Variants in HPCAL1 observed in about 807,000 individuals in gnomAD.
HPCAL1 encodes the protein hippocalcin-like protein 1.
A neutral mutation model predicts 17.1 loss-of-function variants in HPCAL1; 8 were observed. The observed-to-expected ratio is 0.47, with a 90% CI of 0.27 to 0.84. The LOEUF (loss-of-function observed/expected upper bound fraction) is 0.84, where lower values mean the gene tolerates loss of function less well. Among genes scored for constraint, HPCAL1 ranks in the 40% least tolerant of loss-of-function variants. The pLI, the probability that HPCAL1 is intolerant of heterozygous loss-of-function variation, is 0.13. For synonymous variants in HPCAL1, 112 were observed against 111.4 expected (o/e 1.01, Z -0.03); for missense variants, 165 against 271.1 (o/e 0.61, Z 2.75).
chr2:10,348,215 C>T (rs1665588781), intron 1 of HPCAL1, among the ~76,000 whole-genome samples: 2 of 152,098 alleles, frequency 1.3e-5, no homozygotes, highest in African/African-American at 4.8e-5. Flanking sequence ...TTTGGGAGGC[C>T]AAGGTGGGCA....
At position 10,310,199 on chromosome 2, in the gene HPCAL1, G is replaced by C. The variant is rs1186004450; in HGVS notation, c.-111+7022G>C. Among the ~76,000 whole-genome samples the C allele has an allele frequency of 6.6e-6, 1 of 152,142 alleles. No individual in the cohort carries two copies. Among genetic ancestry groups the C allele is most frequent in the Non-Finnish European group, 1.5e-5 (1 of 68,044 alleles). On this transcript the variant is annotated intron_variant, in intron 1 of 4. Transcript: ENST00000307845. The surrounding 1 kb of genome is among the most constrained non-coding windows in gnomAD (Gnocchi z 4.5). ...ACTGTAGTCTTTGCTCTGTTTACTG[G>C]CTGGTGATGTTCTCTGAGTCTGTTT... is the stretch of plus-strand genomic sequence containing the variant.
At chr2:10,334,310 C>CTGTTT (rs1021188809) in intron 1 of HPCAL1, among the ~76,000 whole-genome samples, 1 of 148,130 alleles carries the variant, frequency 6.8e-6, no homozygotes, top group Non-Finnish European at 1.5e-5. Context: ...TAGCAAGACC[C>CTGTTT]TGTTTTGTTT....
chr2:10,321,652 C>A (rs974580492), intron 1 of HPCAL1, among the ~76,000 whole-genome samples: 2 of 152,140 alleles, frequency 1.3e-5, no homozygotes, highest in African/African-American at 4.8e-5. Flanking sequence ...CCCTGGAAAC[C>A]AATAATTTAC....
chr2:10,407,964 G>A (rs906235367), intron 2 of HPCAL1, among the ~76,000 whole-genome samples: 4 of 152,256 alleles, frequency 2.6e-5, no homozygotes, highest in Non-Finnish European at 5.9e-5. Context: ...AGCCTGAGGA[G>A]TGACCTTTGC....
chr2:10,366,842 C>T (rs1467696652), intron 1 of HPCAL1, among the ~76,000 whole-genome samples: 1 of 152,158 alleles, frequency 6.6e-6, no homozygotes, highest in African/African-American at 2.4e-5. Context: ...GTGAAGGCAC[C>T]AACTATTTCA....
Position 10,394,818 on chromosome 2 carries a change from GACA to G in HPCAL1, c.-110-2013_-110-2011del, listed in dbSNP as rs2125570233. On this transcript the variant is annotated intron_variant, in intron 1 of 4. Transcript: ENST00000307845. The surrounding 1 kb of genome is among the most constrained non-coding windows in gnomAD (Gnocchi z 5.0). ...CTTTTATTTTATTTTATTTTTTTGA[GACA>G]ACATTTCACTGTCACCCAGGCTGGA... is the stretch of plus-strand genomic sequence containing the variant. 1.3e-5 allele frequency among the ~76,000 whole-genome samples: 2 copies of G among 152,044 alleles called. No homozygotes were observed. The highest frequency in any genetic ancestry group is 4.2e-4 in the South Asian group (2 of 4,814).
Position 10,420,172 on chromosome 2 carries a change from C to G in HPCAL1, c.378+37C>G, listed in dbSNP as rs368475290. ...CGAGGCCCCGGGTCTCACCGCGGGC[C>G]CAGGTCCCCTCCCAGCTCCCAGCCC... On this transcript the variant is annotated intron_variant, in intron 3 of 4. Coordinates refer to ENST00000307845, the MANE Select transcript of HPCAL1 (RefSeq NM_002149.4). 1.6e-5 allele frequency: 25 copies of G among 1,555,962 alleles called. No individual in the cohort carries two copies. The African/African-American group carries it at 2.1e-4, about 13-fold the overall frequency.
chr2:10,405,853 G>C (rs1309582621), intron 2 of HPCAL1, among the ~76,000 whole-genome samples: 7 of 152,220 alleles, frequency 4.6e-5, no homozygotes, highest in Admixed American at 3.3e-4. Context: ...CCAGCCTGCT[G>C]TGCCCTCTTA....
chr2:10,360,438 A>C (rs1446642597), intron 1 of HPCAL1, among the ~76,000 whole-genome samples: 1 of 152,010 alleles, frequency 6.6e-6, no homozygotes, highest in Non-Finnish European at 1.5e-5. Flanking sequence ...TTGAGATGGA[A>C]TCTTGCTCTG....
At chr2:10,399,573 ACCACCGCCACCG>A in intron 2 of HPCAL1, among the ~76,000 whole-genome samples, 1 of 35,922 alleles carries the variant, frequency 2.8e-5, no homozygotes, top group African/African-American at 1.1e-4. Flanking sequence ...CACCGCCACC[ACCACCGCCACCG>A]CCACCGCCAC....
intron 1 of HPCAL1, among the ~76,000 whole-genome samples, chr2:10,317,313 C>T (rs764793997): frequency 2.6e-4 from 40 of 152,276 alleles, no homozygotes; most frequent in Middle Eastern, 3.4e-3. Flanking sequence ...TGCATCAAGA[C>T]CCCCTATCCA....
intron 1 of HPCAL1, among the ~76,000 whole-genome samples, chr2:10,317,382 T>C (rs1663384013): frequency 1.3e-5 from 2 of 151,816 alleles, no homozygotes; most frequent in Admixed American, 1.3e-4. Flanking sequence ...CCTGCTTTGG[T>C]GTGAATGATG....
chr2:10,347,968 A>G (rs139974302), intron 1 of HPCAL1, among the ~76,000 whole-genome samples: 1,867 of 152,274 alleles, frequency 0.012, 19 homozygotes, highest in Non-Finnish European at 0.021. Context: ...TATCTTCATA[A>G]GTCACTCTTA....
Position 10,419,606 on chromosome 2 carries a change from T to TG in HPCAL1, c.-24-123dup. Reference sequence around the variant, plus strand: ...CATAAGATAGCGGCATGCCTTCCGATGGGGGACCCGGGAGTTGCTGAGTCG... The same window carrying TG: ...CATAAGATAGCGGCATGCCTTCCGATGGGGGGACCCGGGAGTTGCTGAGTCG... On this transcript the variant is annotated intron_variant, in intron 2 of 4. Coordinates refer to ENST00000307845, the MANE Select transcript of HPCAL1 (RefSeq NM_002149.4). The surrounding 1 kb of genome is among the most constrained non-coding windows in gnomAD (Gnocchi z 5.0). The TG allele has an allele frequency of 2.4e-6, 2 of 834,116 alleles. No individual in the cohort carries two copies. Among genetic ancestry groups the TG allele is most frequent in the East Asian group, 5.4e-5 (2 of 37,258 alleles). 51.7% of individuals were successfully genotyped at this position (834,116 alleles called of 1,614,324 possible). A position where few individuals can be genotyped will look rare whatever the true frequency, so the allele number is the denominator to read the frequency against.
At chr2:10,424,410 G>C in intron 4 of HPCAL1, 2 of 447,560 alleles carry the variant, frequency 4.5e-6, no homozygotes, top group Non-Finnish European at 9.4e-6. Context: ...TCCGCTCCTC[G>C]TGGGGATGGT....
intron 1 of HPCAL1, among the ~76,000 whole-genome samples, chr2:10,356,035 T>G (rs1335071606): frequency 6.6e-6 from 1 of 152,140 alleles, no homozygotes; most frequent in Non-Finnish European, 1.5e-5. Context: ...GGGATGGTAT[T>G]GATTTGTGGG....
At chr2:10,371,681 A>G (rs896384931) in intron 1 of HPCAL1, among the ~76,000 whole-genome samples, 4 of 152,222 alleles carry the variant, frequency 2.6e-5, no homozygotes, top group Admixed American at 2.0e-4. Flanking sequence ...TCCTCCCTCT[A>G]AGATTCCCTA....
At chr2:10,316,817 A>C (rs192329365) in intron 1 of HPCAL1, among the ~76,000 whole-genome samples, 25 of 152,340 alleles carry the variant, frequency 1.6e-4, no homozygotes, top group African/African-American at 5.8e-4. Context: ...ATATTGAAAG[A>C]ATCCCATCTT....
chr2:10,316,557 C>T (rs1447509066), intron 1 of HPCAL1, among the ~76,000 whole-genome samples: 2 of 152,190 alleles, frequency 1.3e-5, no homozygotes, highest in Non-Finnish European at 2.9e-5. Context: ...TTAGGCCGTT[C>T]CTCCCCATCG....
Sources: gnomAD v4.1 joint callset for allele counts (sites outside exome capture counted in the v4.1 genomes callset) on GRCh38, gnomAD v4.1.1 for gene constraint, Gnocchi (gnomAD v3.1) non-coding constraint, MANE v1.5 for transcripts, NCBI Gene and HGNC (gene_info 2026-07-23, HGNC 2026-07-21) for gene names.